Variants in OTUD7A observed in about 807,000 individuals in gnomAD.
The protein encoded by OTUD7A is OTU deubiquitinase 7A, also known as OTU domain-containing protein 7A.
In OTUD7A, 12 loss-of-function variants were observed where a neutral mutation model predicts 65.7. The observed-to-expected ratio is 0.18, with a 90% CI of 0.12 to 0.30. The LOEUF (loss-of-function observed/expected upper bound fraction) is 0.30. OTUD7A is among the 10% of genes least tolerant of loss of function. OTUD7A has a pLI of 1.00. For synonymous variants in OTUD7A, 641 were observed against 586.3 expected (o/e 1.09, Z -1.35); for missense variants, 1,148 against 1,304.8 (o/e 0.88, Z 1.85).
chr15:31,718,590 T>G (rs1893654217), intron 1 of OTUD7A, among the ~76,000 whole-genome samples: 1 of 150,062 alleles, frequency 6.7e-6, no homozygotes, highest in Non-Finnish European at 1.5e-5. Flanking sequence ...CCACTTGTTT[T>G]TTCCTGAAGT....
In OTUD7A at chr15:31,483,266, C is replaced by A; in HGVS notation, c.*28G>T. 9.3e-7 allele frequency: 1 copy of A among 1,077,520 alleles called. No individual in the cohort carries two copies. 66.7% of individuals were successfully genotyped at this position (1,077,520 alleles called of 1,614,324 possible). A position where few individuals can be genotyped will look rare whatever the true frequency, so the allele number is the denominator to read the frequency against. The stretch of plus-strand genomic sequence containing the variant: ...GGAAAAGAAATCCTCGAAGGTAGAA[C>A]CTCGCCGCCCGCGCCGCGCCGCGCC... On this transcript the variant is annotated 3_prime_UTR_variant, in exon 13 of 13. Transcript: ENST00000307050.
chr15:31,531,939 T>G (rs1887637534), intron 5 of OTUD7A, among the ~76,000 whole-genome samples: 1 of 152,142 alleles, frequency 6.6e-6, no homozygotes, highest in Non-Finnish European at 1.5e-5. Context: ...TGCCAAGAAG[T>G]ACCAAGCCCA....
chr15:31,770,746 T>C lies in OTUD7A; in HGVS notation c.-100+99761A>G, dbSNP rs551520509. ...ATTTATTCCAGTAATAGAAGGTTGG[T>C]TTATCATTAGAAAATAATGATATTA... On this transcript the variant is annotated intron_variant, in intron 1 of 12. Transcript: ENST00000307050. Among the ~76,000 whole-genome samples, 4 of 152,332 alleles carry C rather than the reference T, an allele frequency of 2.6e-5. No homozygotes were observed. The South Asian group carries it at 8.3e-4, about 32-fold the overall frequency.
At chr15:31,519,738 T>A (rs538600077) in intron 8 of OTUD7A, among the ~76,000 whole-genome samples, 1 of 152,364 alleles carries the variant, frequency 6.6e-6, no homozygotes, top group South Asian at 2.1e-4. Context: ...TATGATTTTA[T>A]AATTAGAAAA....
At chr15:31,723,491 T>C (rs1893804635) in intron 1 of OTUD7A, among the ~76,000 whole-genome samples, 1 of 138,850 alleles carries the variant, frequency 7.2e-6, no homozygotes, top group Admixed American at 7.7e-5. Flanking sequence ...CATACATCCT[T>C]CTGGACTTTC....
chr15:31,591,174 C>T (rs1889712064), intron 3 of OTUD7A, among the ~76,000 whole-genome samples: 2 of 151,942 alleles, frequency 1.3e-5, no homozygotes, highest in African/African-American at 4.8e-5. Flanking sequence ...GCTTGCAAAA[C>T]CACCATCTGC....
chr15:31,681,607 CT>C, intron 1 of OTUD7A, among the ~76,000 whole-genome samples: 1 of 135,110 alleles, frequency 7.4e-6, no homozygotes, highest in Non-Finnish European at 1.6e-5. Flanking sequence ...CCCTCCTTTC[CT>C]TTCTCCCTCT....
intron 3 of OTUD7A, among the ~76,000 whole-genome samples, chr15:31,622,316 G>GCAAGCAATC (rs1198676952): frequency 7.9e-5 from 12 of 152,244 alleles, no homozygotes; most frequent in Admixed American, 7.2e-4. Context: ...GGCCTGCCTT[G>GCAAGCAATC]CTAGGTTGGG....
At chr15:31,723,391 GCCA>G (rs1220875106) in intron 1 of OTUD7A, among the ~76,000 whole-genome samples, 57 of 12,098 alleles carry the variant, frequency 4.7e-3, no homozygotes, top group African/African-American at 0.012. Flanking sequence ...CGCACCGCAC[GCCA>G]CCCCCCCCCC....
intron 3 of OTUD7A, among the ~76,000 whole-genome samples, chr15:31,648,973 C>A (rs1891757235): frequency 1.3e-5 from 2 of 152,140 alleles, no homozygotes; most frequent in African/African-American, 2.4e-5. Flanking sequence ...GTTAGCCAGG[C>A]TGGTCTCGAA....
intron 1 of OTUD7A, among the ~76,000 whole-genome samples, chr15:31,740,533 C>T (rs770732425): frequency 6.6e-6 from 1 of 151,838 alleles, no homozygotes; most frequent in Non-Finnish European, 1.5e-5. Context: ...CTGGCGAGGA[C>T]GGCTGCCGTG....
At chr15:31,527,340 G>C (rs374305973) in intron 6 of OTUD7A, 32 bp from the exon 7 acceptor site, 53 of 1,608,952 alleles carry the variant, frequency 3.3e-5, no homozygotes, top group Non-Finnish European at 4.3e-5. Flanking sequence ...GAACAGAGGA[G>C]AGAAAGGACA....
chr15:31,677,255 C>T (rs1311633116), intron 1 of OTUD7A, among the ~76,000 whole-genome samples: 1 of 152,176 alleles, frequency 6.6e-6, no homozygotes, highest in African/African-American at 2.4e-5. Context: ...TGGGTCCCTA[C>T]ATGATGGTGT....
At position 31,475,400 on chromosome 15, in the gene OTUD7A, C is replaced by T. The variant is rs1224629366; in HGVS notation, c.*7894G>A. ...GGGCAAATAATTGGACCAACCAATA[C>T]TTTACAAACATGTTAATTTTATTGA... is the stretch of plus-strand genomic sequence containing the variant. On this transcript the variant is annotated 3_prime_UTR_variant, in exon 13 of 13. Coordinates refer to ENST00000307050, the MANE Select transcript of OTUD7A (RefSeq NM_001382637.1). 2 of 152,088 alleles carry T rather than the reference C, an allele frequency of 1.3e-5. No individual in the cohort carries two copies. Among genetic ancestry groups the T allele is most frequent in the Non-Finnish European group, 2.9e-5 (2 of 68,022 alleles). The allele number at this position is 152,088 out of a possible 1,614,324, so 9.4% of individuals were successfully genotyped here. A position where few individuals can be genotyped will look rare whatever the true frequency, so the allele number is the denominator to read the frequency against.
intron 3 of OTUD7A, among the ~76,000 whole-genome samples, chr15:31,587,863 G>A (rs192705931): frequency 6.6e-6 from 1 of 151,892 alleles, no homozygotes; most frequent in African/African-American, 2.4e-5. Context: ...AACGCTCACT[G>A]TTCCTTCTGC....
intron 5 of OTUD7A, among the ~76,000 whole-genome samples, chr15:31,542,421 T>A (rs550101986): frequency 6.6e-6 from 1 of 152,218 alleles, no homozygotes; most frequent in South Asian, 2.1e-4. Context: ...AATATCAGGT[T>A]GGACACTGTT....
intron 1 of OTUD7A, among the ~76,000 whole-genome samples, chr15:31,823,808 G>A (rs758966510): frequency 1.3e-5 from 2 of 152,128 alleles, no homozygotes; most frequent in Non-Finnish European, 2.9e-5. Flanking sequence ...CTCAGCAGCA[G>A]CCTAAATCCC....
chr15:31,508,644 G>A (rs1037530999), intron 8 of OTUD7A, among the ~76,000 whole-genome samples: 7 of 152,244 alleles, frequency 4.6e-5, no homozygotes, highest in Admixed American at 3.9e-4. Context: ...GAGGCACTGC[G>A]CCAGGCAAGA....
chr15:31,644,207 TC>T (rs1891599712), intron 3 of OTUD7A, among the ~76,000 whole-genome samples: 1 of 152,104 alleles, frequency 6.6e-6, no homozygotes, highest in African/African-American at 2.4e-5. Context: ...ACACCTCACC[TC>T]CCCACTAGCT....
Sources: gnomAD v4.1 joint callset for allele counts (sites outside exome capture counted in the v4.1 genomes callset) on GRCh38, gnomAD v4.1.1 for gene constraint, MANE v1.5 for transcripts, NCBI Gene and HGNC (gene_info 2026-07-23, HGNC 2026-07-21) for gene names.